The following GTPBP1 variants were observed in gnomAD, a reference collection of about 807,000 sequenced individuals.
GTPBP1 encodes GTP binding protein 1.
In GTPBP1, 23 loss-of-function variants were observed where a neutral mutation model predicts 62.0. The observed-to-expected ratio is 0.37, with a 90% CI of 0.27 to 0.53. The LOEUF is 0.53. GTPBP1 is among the 20% of genes least tolerant of loss of function. The probability of loss-of-function intolerance (pLI) is 0.89; values close to 1 mark genes in which losing one functional copy is unlikely to be tolerated. For synonymous variants in GTPBP1, 344 were observed against 364.4 expected, an observed-to-expected ratio of 0.94 and a Z score of 0.64; for missense variants, 640 against 917.3, an observed-to-expected ratio of 0.70 and a Z score of 3.90.
chr22:38,712,849 A>G (rs1240325116), intron 2 of GTPBP1, among the ~76,000 whole-genome samples: 2 of 152,200 alleles, frequency 1.3e-5, no homozygotes, highest in Non-Finnish European at 2.9e-5. Flanking sequence ...AGGCTTTCAC[A>G]GCTCACTTTG....
chr22:38,726,103 G>A lies in GTPBP1; in HGVS notation c.1171G>A (p.Glu391Lys), dbSNP rs2092725347. The A allele has an allele frequency of 6.2e-7, 1 of 1,614,110 alleles. No individual in the cohort carries two copies. Among genetic ancestry groups the A allele is most frequent in the Non-Finnish European group, 8.5e-7 (1 of 1,179,986 alleles). The change falls in exon 7 of 12, where the codon GAG becomes AAG. Residue 391 changes from glutamate (E) to lysine (K), a missense_variant. Around this residue, in one of 4 missense-constraint regions of GTPBP1, gnomAD observed 220 missense variants for 358.1 expected, o/e 0.61. Coordinates refer to ENST00000216044, the MANE Select transcript of GTPBP1 (RefSeq NM_004286.5). This position sits in a 1 kb window ranked among gnomAD's most constrained non-coding sequence, Gnocchi z 4.1. ...CCTCTCCCCCCGCACCAGCTACAGG[G>A]AGGAGGAGCCTGCTGAGTTTCAGAT... is the stretch of plus-strand genomic sequence containing the variant. ...NLLSPRTSYR[E>K]EEPAEFQIDD... is the part of the protein sequence containing the mutation.
At chr22:38,740,152 C>G, downstream of GTPBP1, 3 of 1,371,472 alleles carry the variant, frequency 2.2e-6, no homozygotes, top group Non-Finnish European at 2.9e-6. The surrounding 1 kb of genome is among the most constrained non-coding windows in gnomAD (Gnocchi z 4.8). Flanking sequence ...ACGCCACAGT[C>G]TCTTGGGCAT....
Position 38,730,793 on chromosome 22 carries a change from C to G in GTPBP1, c.*89C>G. 2 of 693,934 alleles carry G rather than the reference C, an allele frequency of 2.9e-6. No individual in the cohort carries two copies. The highest frequency in any genetic ancestry group is 4.7e-6 in the Non-Finnish European group (2 of 423,180). The allele number at this position is 693,934 out of a possible 1,614,324, so 43.0% of individuals were successfully genotyped here. On this transcript the variant is annotated 3_prime_UTR_variant, in exon 12 of 12. Transcript: ENST00000216044. The surrounding 1 kb of genome is among the most constrained non-coding windows in gnomAD (Gnocchi z 5.6). ...TGGGCAGAGCAGCTATGACCGCCAC[C>G]CAGCCCTCCCGCTCAGGCCACAGCC...
intron 1 of GTPBP1, among the ~76,000 whole-genome samples, chr22:38,708,301 T>G (rs1259906847): frequency 6.6e-6 from 1 of 152,194 alleles, no homozygotes; most frequent in Non-Finnish European, 1.5e-5. Context: ...CTCGTAGTGG[T>G]AATGGTGATG....
downstream of GTPBP1, chr22:38,734,883 A>C: frequency 4.9e-6 from 1 of 205,952 alleles, no homozygotes; most frequent in South Asian, 6.2e-5. Context: ...CCACCACTGC[A>C]TCCAGCCTCA....
At chr22:38,739,332 G>C (rs372134058), downstream of GTPBP1, 145 of 1,612,672 alleles carry the variant, frequency 9.0e-5, no homozygotes, top group African/African-American at 1.7e-3. This position sits in a 1 kb window ranked among gnomAD's most constrained non-coding sequence, Gnocchi z 6.7. Context: ...GAGGAAAGCA[G>C]AGCACGTACC....
intron 2 of GTPBP1, among the ~76,000 whole-genome samples, chr22:38,710,203 A>G (rs2092630257): frequency 6.6e-6 from 1 of 152,242 alleles, no homozygotes; most frequent in Admixed American, 6.5e-5. Flanking sequence ...TGAGTTGAAG[A>G]TTGAAGAAAT....
At position 38,730,354 on chromosome 22, in the gene GTPBP1, C is replaced by T. The variant is rs1321862224; in HGVS notation, c.1918-258C>T. On this transcript the variant is annotated intron_variant, in intron 11 of 11. Coordinates refer to ENST00000216044, the MANE Select transcript of GTPBP1 (RefSeq NM_004286.5). The surrounding 1 kb of genome is among the most constrained non-coding windows in gnomAD (Gnocchi z 5.6). ...CTGCTCTGCTTTGTGCTTCTCTGAA[C>T]GGCCGCTTCTCACACCCTCATCATG... Among the ~76,000 whole-genome samples, 7 of 152,196 alleles carry T rather than the reference C, an allele frequency of 4.6e-5. No homozygotes were observed. The highest frequency in any genetic ancestry group is 1.2e-4 in the African/African-American group (5 of 41,450).
chr22:38,738,429 A>G (rs2092825998), downstream of GTPBP1: 1 of 1,157,014 alleles, frequency 8.6e-7, no homozygotes, highest in African/African-American at 1.5e-5. The surrounding 1 kb of genome is among the most constrained non-coding windows in gnomAD (Gnocchi z 6.6). Flanking sequence ...AGCCTAAGGT[A>G]ACAGGGACTG....
chr22:38,740,108 G>A (rs747158719), downstream of GTPBP1, among the ~76,000 whole-genome samples: 6 of 152,234 alleles, frequency 3.9e-5, no homozygotes, highest in Admixed American at 1.3e-4. The surrounding 1 kb of genome is among the most constrained non-coding windows in gnomAD (Gnocchi z 4.8). Context: ...CAGGAAGAAC[G>A]CCTGTCAGTG....
In GTPBP1 at chr22:38,729,556, A is replaced by AG. The variant is rs1199812646; in HGVS notation, c.1817dup (p.Ser608ValfsTer14). The AG allele has an allele frequency of 1.9e-6, 3 of 1,604,062 alleles. No homozygotes were observed. The highest frequency in any genetic ancestry group is 1.7e-6 in the Non-Finnish European group (2 of 1,175,334). On this transcript the variant is annotated frameshift_variant, in exon 11 of 12. Transcript: ENST00000216044. LOFTEE classifies it high-confidence loss of function. Reference sequence around the variant, plus strand: ...AAGGGCCCCCTGACGAAACGAGACGAGGGGGGCCCGTCTGGTGGGCCAGCA... The same window carrying AG: ...AAGGGCCCCCTGACGAAACGAGACGAGGGGGGGCCCGTCTGGTGGGCCAGCA...
At position 38,715,924 on chromosome 22, in the gene GTPBP1, C is replaced by G. The variant is rs1183792759; in HGVS notation, c.322C>G (p.Leu108Val). The G allele has an allele frequency of 1.9e-6, 3 of 1,613,520 alleles. No homozygotes were observed. In the South Asian group the frequency reaches 3.3e-5, roughly 18 times the overall value. ...GQGSDGTEYG[L>V]SEADMEASYA... is the part of the protein sequence containing the mutation. ...GTCACCAGATGGGACTGAGTATGGG[C>G]TGAGTGAAGCTGACATGGAGGCCTC... is the stretch of plus-strand genomic sequence containing the variant. Residue 108 changes from leucine (L) to valine (V), a missense_variant, in exon 3 of 12, where the codon CTG becomes GTG. Coordinates refer to ENST00000216044, the MANE Select transcript of GTPBP1 (RefSeq NM_004286.5).
At position 38,716,581 on chromosome 22, in the gene GTPBP1, G is replaced by T; in HGVS notation, c.486-71G>T. 3 of 1,112,666 alleles carry T rather than the reference G, an allele frequency of 2.7e-6. No individual in the cohort carries two copies. Among genetic ancestry groups the T allele is most frequent in the Admixed American group, 4.1e-5 (2 of 48,974 alleles). The allele number at this position is 1,112,666 out of a possible 1,614,324, so 68.9% of individuals were successfully genotyped here. A position where few individuals can be genotyped will look rare whatever the true frequency, so the allele number is the denominator to read the frequency against. ...CTGGACTTGCGGATCCAATTACTGG[G>T]GTTATGATGGTCGCTCCACCTCACT... On this transcript the variant is annotated intron_variant, in intron 3 of 11. Transcript: ENST00000216044. This position sits in a 1 kb window ranked among gnomAD's most constrained non-coding sequence, Gnocchi z 5.2.
intron 2 of GTPBP1, among the ~76,000 whole-genome samples, chr22:38,710,158 G>A (rs1314476084): frequency 6.6e-6 from 1 of 152,208 alleles, no homozygotes; most frequent in African/African-American, 2.4e-5. Flanking sequence ...CTGAATGTAG[G>A]CTTTGTAAAG....
downstream of GTPBP1, chr22:38,742,285 G>T: frequency 6.3e-7 from 1 of 1,582,354 alleles, no homozygotes; most frequent in Non-Finnish European, 8.6e-7. Flanking sequence ...CCACCCTGAG[G>T]TATTCCACCT....
downstream of GTPBP1, chr22:38,739,376 G>T: frequency 3.1e-6 from 5 of 1,613,154 alleles, no homozygotes; most frequent in Non-Finnish European, 4.2e-6. The surrounding 1 kb of genome is among the most constrained non-coding windows in gnomAD (Gnocchi z 6.7). Flanking sequence ...CCAGCCCGAT[G>T]CGGTCCTCAC....
At chr22:38,728,329 T>C in intron 10 of GTPBP1, 168 bp downstream of exon 10, 1 of 603,468 alleles carries the variant, frequency 1.7e-6, no homozygotes, top group Non-Finnish European at 3.0e-6. Flanking sequence ...TCCTGTGGCC[T>C]CCTGTCCTGG....
chr22:38,738,435 G>C (rs557976056), downstream of GTPBP1: 273 of 1,173,734 alleles, frequency 2.3e-4, 8 homozygotes, highest in South Asian at 3.8e-3. This position sits in a 1 kb window ranked among gnomAD's most constrained non-coding sequence, Gnocchi z 6.6. Flanking sequence ...AGGTAACAGG[G>C]ACTGAAGTGC....
At position 38,730,514 on chromosome 22, in the gene GTPBP1, G is replaced by T; in HGVS notation, c.1918-98G>T. 1.2e-6 allele frequency: 1 copy of T among 834,428 alleles called. No homozygotes were observed. Among genetic ancestry groups the T allele is most frequent in the Non-Finnish European group, 2.0e-6 (1 of 496,510 alleles). 51.7% of individuals were successfully genotyped at this position (834,428 alleles called of 1,614,324 possible). Reference sequence around the variant, plus strand: ...GGTGAGGACCACGCAGCCTGCTCACGCATCTTCCGTCCCTGTCTCCCCGCT... The same window carrying T: ...GGTGAGGACCACGCAGCCTGCTCACTCATCTTCCGTCCCTGTCTCCCCGCT... On this transcript the variant is annotated intron_variant, in intron 11 of 11. Transcript: ENST00000216044. This position sits in a 1 kb window ranked among gnomAD's most constrained non-coding sequence, Gnocchi z 5.6.
Sources: gnomAD v4.1 joint callset for allele counts (sites outside exome capture counted in the v4.1 genomes callset) on GRCh38, gnomAD v4.1.1 for gene constraint, gnomAD v4.1.1 regional missense constraint, Gnocchi (gnomAD v3.1) non-coding constraint, MANE v1.5 for transcripts, NCBI Gene and HGNC (gene_info 2026-07-23, HGNC 2026-07-21) for gene names.